The following NXPH1 variants were observed in gnomAD, a reference collection of about 807,000 sequenced individuals.
NXPH1 encodes the protein neurexophilin-1.
NXPH1 carries 5 observed loss-of-function variants against 23.7 expected under a neutral mutation model. The ratio of observed to expected loss-of-function variants is 0.21; its 90% CI spans 0.11 to 0.44. NXPH1 has a LOEUF of 0.44. NXPH1 is among the 20% of genes least tolerant of loss of function. The pLI, the probability that NXPH1 is intolerant of heterozygous loss-of-function variation, is 0.99. For missense variants in NXPH1, 324 were observed against 321.6 expected (o/e 1.01, Z -0.06); for synonymous variants, 144 against 122.2 (o/e 1.18, Z -1.18).
chr7:8,467,758 C>A (rs1037829443), intron 2 of NXPH1, among the ~76,000 whole-genome samples: 1 of 152,086 alleles, frequency 6.6e-6, no homozygotes, highest in Non-Finnish European at 1.5e-5. Context: ...AAGATAGCAA[C>A]CTCTTTCAAT....
chr7:8,542,514 G>T (rs58125979), intron 2 of NXPH1, among the ~76,000 whole-genome samples: 3,430 of 151,704 alleles, frequency 0.023, 144 homozygotes, highest in African/African-American at 0.079. Flanking sequence ...AACAAGAGCA[G>T]AATATACAGT....
At chr7:8,490,023 G>C (rs1327809066) in intron 2 of NXPH1, among the ~76,000 whole-genome samples, 1 of 151,994 alleles carries the variant, frequency 6.6e-6, no homozygotes, top group Non-Finnish European at 1.5e-5. Flanking sequence ...AAAAGCCAGA[G>C]GCTATTGTAT....
intron 2 of NXPH1, among the ~76,000 whole-genome samples, chr7:8,692,596 C>G (rs1821239119): frequency 6.6e-6 from 1 of 152,116 alleles, no homozygotes; most frequent in Non-Finnish European, 1.5e-5. Flanking sequence ...GTTTTCTTGG[C>G]CTATTATCTG....
At chr7:8,718,247 G>A (rs1478214293) in intron 2 of NXPH1, among the ~76,000 whole-genome samples, 2 of 152,182 alleles carry the variant, frequency 1.3e-5, no homozygotes, top group East Asian at 1.9e-4. Context: ...TAGTTATGTG[G>A]CCTTCTAGCT....
chr7:8,474,020 A>G (rs1351460579), intron 2 of NXPH1, among the ~76,000 whole-genome samples: 1 of 152,176 alleles, frequency 6.6e-6, no homozygotes, highest in Non-Finnish European at 1.5e-5. Flanking sequence ...TAGCCAATCT[A>G]CAAGAGCCTG....
At chr7:8,536,891 C>T (rs1457299720) in intron 2 of NXPH1, among the ~76,000 whole-genome samples, 1 of 151,784 alleles carries the variant, frequency 6.6e-6, no homozygotes, top group Admixed American at 6.6e-5. Flanking sequence ...TATGAGTATC[C>T]AGATAAATGG....
chr7:8,593,045 C>T (rs1002330850), intron 2 of NXPH1, among the ~76,000 whole-genome samples: 1 of 151,894 alleles, frequency 6.6e-6, no homozygotes, highest in African/African-American at 2.4e-5. Context: ...TTCCAAGGTC[C>T]ATTTCTTTAA....
At chr7:8,522,281 G>C (rs147811654) in intron 2 of NXPH1, among the ~76,000 whole-genome samples, 31 of 152,224 alleles carry the variant, frequency 2.0e-4, no homozygotes, top group Non-Finnish European at 3.5e-4. Context: ...TCTATCCCTT[G>C]GTCCCATTTT....
At chr7:8,647,996 A>C (rs1178491101) in intron 2 of NXPH1, among the ~76,000 whole-genome samples, 1 of 152,130 alleles carries the variant, frequency 6.6e-6, no homozygotes, top group East Asian at 1.9e-4. Context: ...ATCCAAACTC[A>C]CTGTATGCCT....
intron 2 of NXPH1, among the ~76,000 whole-genome samples, chr7:8,623,249 CAGG>C (rs1043044917): frequency 6.6e-6 from 1 of 152,050 alleles, no homozygotes; most frequent in African/African-American, 2.4e-5. Context: ...CGAATTAAAA[CAGG>C]AGAAGAGTAG....
intron 2 of NXPH1, among the ~76,000 whole-genome samples, chr7:8,483,945 A>G (rs1817116053): frequency 6.7e-6 from 1 of 148,490 alleles, no homozygotes; most frequent in African/African-American, 2.6e-5. Flanking sequence ...AGCAACTAGA[A>G]TAAATAACAC....
intron 2 of NXPH1, among the ~76,000 whole-genome samples, chr7:8,523,312 A>G (rs1817804373): frequency 6.6e-6 from 1 of 152,286 alleles, no homozygotes; most frequent in South Asian, 2.1e-4. Flanking sequence ...TGTTAATCTG[A>G]CCTCTTCTGG....
chr7:8,682,239 T>A (rs986081032), intron 2 of NXPH1, among the ~76,000 whole-genome samples: 2 of 152,208 alleles, frequency 1.3e-5, no homozygotes, highest in African/African-American at 4.8e-5. Context: ...TCTTCTGGCC[T>A]TAGAAATAGT....
At chr7:8,510,898 G>T (rs1817601212) in intron 2 of NXPH1, among the ~76,000 whole-genome samples, 1 of 152,006 alleles carries the variant, frequency 6.6e-6, no homozygotes, top group African/African-American at 2.4e-5. Context: ...TTGAACTTCT[G>T]AACCCTTCCA....
intron 2 of NXPH1, among the ~76,000 whole-genome samples, chr7:8,733,408 G>A (rs998611504): frequency 1.2e-4 from 19 of 152,150 alleles, no homozygotes. Context: ...TAATGGGATG[G>A]CTGGGTCAAA....
intron 2 of NXPH1, among the ~76,000 whole-genome samples, chr7:8,665,242 T>C (rs532841296): frequency 1.3e-5 from 2 of 152,220 alleles, no homozygotes; most frequent in African/African-American, 4.8e-5. Flanking sequence ...TACATCTGAA[T>C]ATCCAAATGT....
At chr7:8,733,096 T>A (rs1379367777) in intron 2 of NXPH1, among the ~76,000 whole-genome samples, 7 of 152,160 alleles carry the variant, frequency 4.6e-5, no homozygotes, top group African/African-American at 1.7e-4. Context: ...TTCTCATTGT[T>A]CGACTCCCAC....
At chr7:8,592,537 A>G (rs1819120993) in intron 2 of NXPH1, among the ~76,000 whole-genome samples, 1 of 152,038 alleles carries the variant, frequency 6.6e-6, no homozygotes, top group Admixed American at 6.6e-5. Flanking sequence ...TTTACTGTTC[A>G]TTGAGGACTT....
chr7:8,654,710 T>C (rs1255417755), intron 2 of NXPH1, among the ~76,000 whole-genome samples: 1 of 152,060 alleles, frequency 6.6e-6, no homozygotes, highest in Non-Finnish European at 1.5e-5. Flanking sequence ...AGACACATAC[T>C]TTATGTTTGG....
Sources: gnomAD v4.1 joint callset for allele counts (sites outside exome capture counted in the v4.1 genomes callset) on GRCh38, gnomAD v4.1.1 for gene constraint, MANE v1.5 for transcripts, NCBI Gene and HGNC (gene_info 2026-07-23, HGNC 2026-07-21) for gene names.